DMD: variants seen among roughly 807,000 people sequenced by gnomAD.
DMD encodes dystrophin, also known as mutant dystrophin.
DMD carries 63 observed loss-of-function variants against 330.1 expected under a neutral mutation model. The ratio of observed to expected loss-of-function variants is 0.19; its 90% CI spans 0.16 to 0.24. DMD has a LOEUF of 0.24. Ranked by LOEUF, DMD falls within the 10% of genes least tolerant of loss-of-function variation. The pLI is 1.00. For synonymous variants in DMD, 1,223 were observed against 959.8 expected (o/e 1.27, Z -5.07); for missense variants, 3,344 against 2,684.1 (o/e 1.25, Z -5.43).
chrX:32,192,514 A>C lies in DMD; in HGVS notation c.6438+24402T>G, dbSNP rs182824750. ...GCAGCCAGAAATTTAAGTAAATGTT[A>C]CTTAAATGTAAGAGCCATGTACCTA... is the stretch of plus-strand genomic sequence containing the variant. On this transcript the variant is annotated intron_variant, in intron 44 of 78. Coordinates refer to ENST00000357033, the MANE Select transcript of DMD (RefSeq NM_004006.3). Among the ~76,000 whole-genome samples the C allele has an allele frequency of 3.2e-3, 359 of 112,149 alleles. 2 individuals are homozygous for C. Among genetic ancestry groups the C allele is most frequent in the Non-Finnish European group, 5.1e-3 (271 of 53,185 alleles).
At chrX:31,366,780 T>C (rs756119998) in intron 60 of DMD, among the ~76,000 whole-genome samples, 1 of 109,780 alleles carries the variant, frequency 9.1e-6, no homozygotes, top group African/African-American at 3.3e-5. Flanking sequence ...TCAATGTCCT[T>C]TTGTATCTTT....
intron 67 of DMD, among the ~76,000 whole-genome samples, chrX:31,186,739 A>C (rs1412719083): frequency 1.8e-5 from 2 of 112,569 alleles, no homozygotes; most frequent in African/African-American, 6.5e-5. Context: ...GTTTATAAAG[A>C]ATTATGCAAT....
intron 1 of DMD, among the ~76,000 whole-genome samples, chrX:33,232,442 G>T (rs2052404193): frequency 8.9e-6 from 1 of 111,762 alleles, no homozygotes; most frequent in Non-Finnish European, 1.9e-5. Context: ...GAAGAGTTGG[G>T]AATATTCTGT....
chrX:31,709,584 CTGTGTGTG>C (rs55768943), intron 52 of DMD, among the ~76,000 whole-genome samples: 3 of 94,034 alleles, frequency 3.2e-5, no homozygotes, highest in East Asian at 3.4e-4. Context: ...CTCTCTCTGT[CTGTGTGTG>C]TGTGTGTGTG....
intron 55 of DMD, among the ~76,000 whole-genome samples, chrX:31,619,794 G>C (rs2078424509): frequency 8.9e-6 from 1 of 111,807 alleles, no homozygotes; most frequent in Non-Finnish European, 1.9e-5. Context: ...GGTTTTAAAG[G>C]TTTTAATACA....
chrX:31,453,360 C>A (rs1323137943), intron 59 of DMD, among the ~76,000 whole-genome samples: 1 of 110,917 alleles, frequency 9.0e-6, no homozygotes, highest in East Asian at 2.8e-4. Flanking sequence ...TGGGGTTTTA[C>A]CATGTTGGCC....
chrX:31,852,405 G>A (rs941137481), intron 48 of DMD, among the ~76,000 whole-genome samples: 1 of 111,756 alleles, frequency 8.9e-6, no homozygotes, highest in Non-Finnish European at 1.9e-5. Flanking sequence ...AGCAGCACAG[G>A]ACACTGCTTA....
At chrX:32,029,541 G>A (rs1236444067) in intron 44 of DMD, among the ~76,000 whole-genome samples, 2 of 111,179 alleles carry the variant, frequency 1.8e-5, no homozygotes, top group Admixed American at 9.5e-5. Context: ...GTCCTCCTAG[G>A]ACCCAGCACA....
intron 2 of DMD, among the ~76,000 whole-genome samples, chrX:32,929,541 C>T (rs140323627): frequency 1.5e-3 from 167 of 111,146 alleles, no homozygotes; most frequent in African/African-American, 5.3e-3. Context: ...GATATCAAAA[C>T]CCATCAAGCA....
At chrX:32,381,877 G>T (rs758813386) in intron 33 of DMD, among the ~76,000 whole-genome samples, 13 of 110,891 alleles carry the variant, frequency 1.2e-4, no homozygotes, top group Non-Finnish European at 2.5e-4. Flanking sequence ...ACAGCATGAT[G>T]GAATGTAAGT....
At chrX:31,406,235 A>G (rs981111084) in intron 60 of DMD, among the ~76,000 whole-genome samples, 1 of 111,599 alleles carries the variant, frequency 9.0e-6, no homozygotes, top group Admixed American at 9.6e-5. Context: ...TATGTATAGT[A>G]TACTTGGGGA....
At chrX:32,799,951 G>A (rs1364028513) in intron 7 of DMD, among the ~76,000 whole-genome samples, 3 of 111,120 alleles carry the variant, frequency 2.7e-5, no homozygotes, top group Non-Finnish European at 5.7e-5. Flanking sequence ...CACCAGTTAA[G>A]GCCAAAGCAT....
At chrX:33,150,234 C>T (rs2048212661) in intron 1 of DMD, among the ~76,000 whole-genome samples, 2 of 109,679 alleles carry the variant, frequency 1.8e-5, no homozygotes, top group Admixed American at 2.0e-4. Flanking sequence ...CTAATCTGTA[C>T]CACCAAATCC....
intron 29 of DMD, among the ~76,000 whole-genome samples, chrX:32,432,774 T>C (rs1165915546): frequency 8.9e-6 from 1 of 112,307 alleles, no homozygotes; most frequent in Non-Finnish European, 1.9e-5. Flanking sequence ...TAGATTACTT[T>C]ATAGTCTTCC....
chrX:31,903,064 T>G (rs1185005338), intron 47 of DMD, among the ~76,000 whole-genome samples: 1 of 111,548 alleles, frequency 9.0e-6, no homozygotes, highest in Non-Finnish European at 1.9e-5. Context: ...AAAATTATAA[T>G]GAGAGCGATA....
chrX:32,509,260 C>T (rs909536193), intron 18 of DMD, among the ~76,000 whole-genome samples: 15 of 108,701 alleles, frequency 1.4e-4, no homozygotes, highest in African/African-American at 5.0e-4. Flanking sequence ...GGGATCTGGC[C>T]ACCCATACGT....
At chrX:31,322,841 C>T (rs2056520220) in intron 62 of DMD, among the ~76,000 whole-genome samples, 1 of 111,674 alleles carries the variant, frequency 9.0e-6, no homozygotes, top group Non-Finnish European at 1.9e-5. Context: ...TTTTATGAAC[C>T]CAGTAAATTG....
chrX:32,292,553 C>T (rs927841742), intron 42 of DMD, among the ~76,000 whole-genome samples: 5 of 109,605 alleles, frequency 4.6e-5, no homozygotes, highest in Non-Finnish European at 1.9e-5. Flanking sequence ...GTGATCCACC[C>T]GCCTCAGCCT....
At chrX:32,624,741 T>A (rs1398714758) in intron 11 of DMD, among the ~76,000 whole-genome samples, 1 of 111,791 alleles carries the variant, frequency 8.9e-6, no homozygotes, top group Non-Finnish European at 1.9e-5. Flanking sequence ...TTGCAGTAAA[T>A]GGCATTCTAA....
Sources: allele counts gnomAD v4.1 joint callset (sites outside exome capture counted in the v4.1 genomes callset), GRCh38; gene constraint gnomAD v4.1.1; transcripts MANE v1.5; gene names NCBI Gene and HGNC (gene_info 2026-07-23, HGNC 2026-07-21).